PXDNL: variants seen among roughly 807,000 people sequenced by gnomAD.
The protein encoded by PXDNL is peroxidasin like, also known as probable oxidoreductase PXDNL.
PXDNL carries 145 observed loss-of-function variants against 150.8 expected under a neutral mutation model. The ratio of observed to expected loss-of-function variants is 0.96; its 90% CI spans 0.84 to 1.10. The LOEUF (loss-of-function observed/expected upper bound fraction) is 1.10. PXDNL is among the 50% of genes least tolerant of loss of function. The pLI is 0.00. For missense variants in PXDNL, 2,087 were observed against 1,873.9 expected, an observed-to-expected ratio of 1.11 and a Z score of -2.10; for synonymous variants, 757 against 725.7, an observed-to-expected ratio of 1.04 and a Z score of -0.69.
chr8:51,789,475 C>G (rs2037491072), intron 1 of PXDNL, among the ~76,000 whole-genome samples: 1 of 151,946 alleles, frequency 6.6e-6, no homozygotes, highest in Admixed American at 6.6e-5. Context: ...TGGATATAGT[C>G]TTCATTATAT....
At chr8:51,638,618 C>T (rs1179092429) in intron 2 of PXDNL, among the ~76,000 whole-genome samples, 132 of 151,922 alleles carry the variant, frequency 8.7e-4, no homozygotes, top group Middle Eastern at 3.4e-3. Flanking sequence ...CATTACATAA[C>T]AGTAAAGGGA....
intron 14 of PXDNL, among the ~76,000 whole-genome samples, chr8:51,420,063 T>C (rs1808906997): frequency 6.6e-6 from 1 of 152,186 alleles, no homozygotes; most frequent in South Asian, 2.1e-4. Flanking sequence ...AAAGGTAAAT[T>C]TTATATAATG....
At chr8:51,805,855 C>T (rs1449892834) in intron 1 of PXDNL, among the ~76,000 whole-genome samples, 3 of 152,128 alleles carry the variant, frequency 2.0e-5, no homozygotes, top group Non-Finnish European at 4.4e-5. Context: ...GAAAGTACAA[C>T]CTAATGACCC....
chr8:51,602,459 T>C (rs1464564259), intron 2 of PXDNL, among the ~76,000 whole-genome samples: 1 of 152,072 alleles, frequency 6.6e-6, no homozygotes. Flanking sequence ...ATCTGCTTAG[T>C]CCACATAAAT....
chr8:51,474,476 A>T (rs1810426961), intron 7 of PXDNL, among the ~76,000 whole-genome samples: 1 of 152,232 alleles, frequency 6.6e-6, no homozygotes, highest in Non-Finnish European at 1.5e-5. Flanking sequence ...ATTTACAAAG[A>T]GATGGTAAAA....
chr8:51,583,674 G>C (rs1236946828), intron 3 of PXDNL, among the ~76,000 whole-genome samples: 4 of 152,128 alleles, frequency 2.6e-5, no homozygotes, highest in African/African-American at 9.7e-5. Flanking sequence ...CATAACTAGA[G>C]CCTAGTATAG....
intron 17 of PXDNL, among the ~76,000 whole-genome samples, chr8:51,389,930 C>T (rs578171369): frequency 6.6e-6 from 1 of 152,000 alleles, no homozygotes; most frequent in South Asian, 2.1e-4. Flanking sequence ...GCAAGAAAAA[C>T]AAAGAAAAGG....
chr8:51,665,706 G>T (rs994586720), intron 1 of PXDNL, among the ~76,000 whole-genome samples: 3 of 152,126 alleles, frequency 2.0e-5, no homozygotes, highest in Non-Finnish European at 2.9e-5. Flanking sequence ...ATCAATTAAG[G>T]AAAAGAAAAA....
intron 1 of PXDNL, among the ~76,000 whole-genome samples, chr8:51,670,782 C>G (rs1815483415): frequency 6.6e-6 from 1 of 152,180 alleles, no homozygotes; most frequent in African/African-American, 2.4e-5. Context: ...CATCTAGAAA[C>G]TAATGTGTCC....
At chr8:51,334,062 G>A (rs1381746185) in intron 21 of PXDNL, among the ~76,000 whole-genome samples, 1 of 127,128 alleles carries the variant, frequency 7.9e-6, no homozygotes, top group African/African-American at 2.9e-5. Context: ...TAGATCATAT[G>A]ATAGGCCATA....
rs566162807 is a variant in PXDNL, at chr8:51,366,973, C to A, written c.3901+4900G>T. Among the ~76,000 whole-genome samples, 55 of 151,728 alleles carry A rather than the reference C, an allele frequency of 3.6e-4. 1 individual carries two copies. Among genetic ancestry groups the A allele is most frequent in the African/African-American group, 1.3e-3 (54 of 41,368 alleles). ...AAAATTAGCTGGGTGTGGTGGTGGG[C>A]ACCTGTAGTCCCAGCTACTTTGGAG... On this transcript the variant is annotated intron_variant, in intron 19 of 22. Coordinates refer to ENST00000356297, the MANE Select transcript of PXDNL (RefSeq NM_144651.5).
At chr8:51,801,970 A>T (rs889325061) in intron 1 of PXDNL, among the ~76,000 whole-genome samples, 1 of 152,142 alleles carries the variant, frequency 6.6e-6, no homozygotes, top group African/African-American at 2.4e-5. Flanking sequence ...AGGCGACATG[A>T]GTACATGAAT....
intron 17 of PXDNL, among the ~76,000 whole-genome samples, chr8:51,401,517 T>C (rs929182357): frequency 1.3e-5 from 2 of 152,158 alleles, no homozygotes; most frequent in African/African-American, 4.8e-5. Context: ...AGTCACTGCC[T>C]CCAAATGGGA....
chr8:51,729,311 T>G (rs1402027986), intron 1 of PXDNL, among the ~76,000 whole-genome samples: 3 of 98,664 alleles, frequency 3.0e-5, no homozygotes, highest in African/African-American at 7.0e-5. Context: ...AAAATAAAAC[T>G]CAACAATAAG....
chr8:51,802,721 T>C (rs1307055455), intron 1 of PXDNL, among the ~76,000 whole-genome samples: 1 of 152,236 alleles, frequency 6.6e-6, no homozygotes. Context: ...TGGTCAGACA[T>C]GGCCAATTTT....
rs201569799 is a variant in PXDNL, at chr8:51,408,797, C to T, written c.2827G>A (p.Glu943Lys). 163 of 1,570,808 alleles carry T rather than the reference C, an allele frequency of 1.0e-4. No individual in the cohort carries two copies. Among genetic ancestry groups the T allele is most frequent in the East Asian group, 1.1e-4 (5 of 44,420 alleles). Residue 943 changes from glutamate to lysine, a missense_variant, in exon 17 of 23, where the codon GAG (glutamate) becomes AAG (lysine). Transcript: ENST00000356297. Reference sequence around the variant, plus strand: ...CTCTCCTGCTCCTGTCGCGCGCACTCGGTGGGTGGGCCTGTAGAAAAGGGC... The same window carrying T: ...CTCTCCTGCTCCTGTCGCGCGCACTTGGTGGGTGGGCCTGTAGAAAAGGGC... ...LLPFSTGPPT[E>K]CARQEQESPC...
rs1398862743 is a variant in PXDNL at position 51,562,263 on chromosome 8, T to G, written c.309-5352A>C. Among the ~76,000 whole-genome samples the G allele has an allele frequency of 3.3e-5, 5 of 152,022 alleles. No homozygotes were observed. In the East Asian group the frequency reaches 9.7e-4, roughly 29 times the overall value. ...GCTATCTTTTTTTATAAAAATGATA[T>G]TTAGTGTATAAAATATTATGTTACT... On this transcript the variant is annotated intron_variant, in intron 3 of 22. Transcript: ENST00000356297.
chr8:51,642,009 T>C (rs1814767585), intron 2 of PXDNL, among the ~76,000 whole-genome samples: 1 of 147,320 alleles, frequency 6.8e-6, no homozygotes, highest in African/African-American at 2.6e-5. Context: ...ATATACACCA[T>C]GGAATACTAT....
chr8:51,751,533 T>G (rs1188029610), intron 1 of PXDNL, among the ~76,000 whole-genome samples: 1 of 152,214 alleles, frequency 6.6e-6, no homozygotes, highest in African/African-American at 2.4e-5. Flanking sequence ...ACTTCAGATA[T>G]TAGATGACTT....
Sources: gnomAD v4.1 joint callset for allele counts (sites outside exome capture counted in the v4.1 genomes callset) on GRCh38, gnomAD v4.1.1 for gene constraint, MANE v1.5 for transcripts, NCBI Gene and HGNC (gene_info 2026-07-23, HGNC 2026-07-21) for gene names.